The following RBFOX1 variants were observed in gnomAD, a reference collection of about 807,000 sequenced individuals.
RBFOX1 encodes the protein RNA binding fox-1 homolog 1.
A neutral mutation model predicts 57.7 loss-of-function variants in RBFOX1; 8 were observed. The ratio of observed to expected loss-of-function variants is 0.14; its 90% CI spans 0.08 to 0.25. The LOEUF is 0.25. Among genes scored for constraint, RBFOX1 ranks in the 10% least tolerant of loss-of-function variants. RBFOX1 has a pLI of 1.00. For missense variants in RBFOX1, 611 were observed against 548.5 expected, an observed-to-expected ratio of 1.11 and a Z score of -1.14; for synonymous variants, 326 against 222.4, an observed-to-expected ratio of 1.47 and a Z score of -4.15.
intron 4 of RBFOX1, among the ~76,000 whole-genome samples, chr16:7,158,416 A>G (rs1172458956): frequency 1.3e-5 from 2 of 152,198 alleles, no homozygotes; most frequent in Non-Finnish European, 2.9e-5. Flanking sequence ...GTAGAAAGAT[A>G]TACTGGTCTT....
At position 7,622,677 on chromosome 16, in the gene RBFOX1, G is replaced by T. The variant is rs539116821; in HGVS notation, c.677-7926G>T. 2.0e-5 allele frequency among the ~76,000 whole-genome samples: 3 copies of T among 152,146 alleles called. No individual in the cohort carries two copies. In the South Asian group the frequency reaches 6.2e-4, roughly 32 times the overall value. Reference sequence around the variant, plus strand: ...CTTATGAAAATAAATTGGAGTGAGGGATTATTTACACTATAGACAGATGCG... The same window carrying T: ...CTTATGAAAATAAATTGGAGTGAGGTATTATTTACACTATAGACAGATGCG... On this transcript the variant is annotated intron_variant, in intron 10 of 15. Transcript: ENST00000550418.
intron 3 of RBFOX1, among the ~76,000 whole-genome samples, chr16:5,712,969 G>C (rs1271165478): frequency 3.9e-5 from 3 of 77,196 alleles, no homozygotes; most frequent in Non-Finnish European, 1.1e-4. Flanking sequence ...GGTCTCTGAG[G>C]ACATCCTTGT....
At chr16:7,282,384 C>T (rs1464476452) in intron 4 of RBFOX1, among the ~76,000 whole-genome samples, 1 of 152,148 alleles carries the variant, frequency 6.6e-6, no homozygotes, top group African/African-American at 2.4e-5. Context: ...AACAGAAACT[C>T]ACCCTGTATG....
intron 3 of RBFOX1, among the ~76,000 whole-genome samples, chr16:6,657,432 A>G (rs551028018): frequency 6.6e-6 from 1 of 152,130 alleles, no homozygotes; most frequent in Non-Finnish European, 1.5e-5. Context: ...TCACCCCAGC[A>G]GAACAGCTCC....
At chr16:5,963,509 A>T (rs751752775) in intron 4 of RBFOX1, among the ~76,000 whole-genome samples, 1 of 152,254 alleles carries the variant, frequency 6.6e-6, no homozygotes, top group Non-Finnish European at 1.5e-5. Flanking sequence ...TTCAAATTAT[A>T]TTACAAAGTT....
intron 3 of RBFOX1, among the ~76,000 whole-genome samples, chr16:6,721,210 A>G (rs1020851600): frequency 2.0e-5 from 3 of 152,214 alleles, no homozygotes; most frequent in Non-Finnish European, 4.4e-5. Context: ...TGGAAGGCCA[A>G]GGCAGGTGGA....
intron 3 of RBFOX1, among the ~76,000 whole-genome samples, chr16:5,833,712 G>A (rs1193938934): frequency 6.6e-6 from 1 of 151,996 alleles, no homozygotes; most frequent in Non-Finnish European, 1.5e-5. Context: ...GTCTCATGTT[G>A]GCACATCTCT....
At chr16:7,679,081 C>T (rs2074101671) in intron 14 of RBFOX1, among the ~76,000 whole-genome samples, 1 of 152,092 alleles carries the variant, frequency 6.6e-6, no homozygotes, top group Admixed American at 6.6e-5. Flanking sequence ...TGGTATTATT[C>T]ATTGAAGTAA....
At chr16:6,642,998 A>T (rs569966543) in intron 2 of RBFOX1, among the ~76,000 whole-genome samples, 3 of 152,202 alleles carry the variant, frequency 2.0e-5, no homozygotes, top group Non-Finnish European at 4.4e-5. Context: ...CTTCATATTT[A>T]GGTTGAAACC....
At chr16:6,094,972 A>T (rs527399366) in intron 1 of RBFOX1, among the ~76,000 whole-genome samples, 1 of 152,312 alleles carries the variant, frequency 6.6e-6, no homozygotes, top group African/African-American at 2.4e-5. Flanking sequence ...AGGCAGGAGA[A>T]TCGCTGGAAC....
intron 4 of RBFOX1, among the ~76,000 whole-genome samples, chr16:7,273,324 C>A (rs9930798): frequency 6.7e-6 from 1 of 150,132 alleles, no homozygotes. Context: ...AAACAGCACT[C>A]TCTGCTGTGT....
At position 6,019,508 on chromosome 16, in the gene RBFOX1, G is replaced by T; in HGVS notation, c.-611G>T. ...CCGCCCCAGCCCCCCAGCAGCACCC[G>T]CGGTGGGGCGGGGGCGCTCTGCCAG... On this transcript the variant is annotated 5_prime_UTR_variant, in exon 1 of 16. Coordinates refer to ENST00000550418, the MANE Select transcript of RBFOX1 (RefSeq NM_018723.4). The surrounding 1 kb of genome is among the most constrained non-coding windows in gnomAD (Gnocchi z 4.2). 9.7e-7 allele frequency: 1 copy of T among 1,034,670 alleles called. No individual in the cohort carries two copies. The highest frequency in any genetic ancestry group is 4.6e-5 in the South Asian group (1 of 21,858). 64.1% of individuals were successfully genotyped at this position (1,034,670 alleles called of 1,614,324 possible). A position where few individuals can be genotyped will look rare whatever the true frequency, so the allele number is the denominator to read the frequency against.
chr16:7,107,117 T>A (rs111615080), intron 4 of RBFOX1, among the ~76,000 whole-genome samples: 3,002 of 152,240 alleles, frequency 0.02, 44 homozygotes, highest in Non-Finnish European at 0.03. Flanking sequence ...GAGGACCAAC[T>A]ATGCAAAGAG....
At chr16:6,785,852 C>A in intron 3 of RBFOX1, among the ~76,000 whole-genome samples, 1 of 139,412 alleles carries the variant, frequency 7.2e-6, no homozygotes. Flanking sequence ...GACTCAAAGT[C>A]CATTAGACTC....
At chr16:5,400,692 C>T (rs1309907795) in intron 1 of RBFOX1, among the ~76,000 whole-genome samples, 1 of 151,686 alleles carries the variant, frequency 6.6e-6, no homozygotes, top group African/African-American at 2.4e-5. Flanking sequence ...ACAAATAATG[C>T]TGTGTAAACT....
chr16:6,042,558 T>C (rs551694608), intron 1 of RBFOX1, among the ~76,000 whole-genome samples: 2 of 152,224 alleles, frequency 1.3e-5, no homozygotes, highest in Admixed American at 6.5e-5. Context: ...TTTTTGGGAA[T>C]AGGAGGTAGA....
chr16:5,874,472 C>T (rs1222522732), intron 4 of RBFOX1, among the ~76,000 whole-genome samples: 1 of 151,990 alleles, frequency 6.6e-6, no homozygotes, highest in Non-Finnish European at 1.5e-5. Flanking sequence ...CACCAGAGAG[C>T]TATGGTACTG....
chr16:6,140,649 C>G (rs1433068336), intron 1 of RBFOX1, among the ~76,000 whole-genome samples: 1 of 152,178 alleles, frequency 6.6e-6, no homozygotes, highest in Middle Eastern at 3.2e-3. Context: ...CCAACTCCTT[C>G]CCTCCTGTCT....
chr16:6,762,469 A>G (rs1286459853), intron 3 of RBFOX1, among the ~76,000 whole-genome samples: 2 of 152,186 alleles, frequency 1.3e-5, no homozygotes, highest in Non-Finnish European at 2.9e-5. Context: ...GAACAAAAGA[A>G]AAGGTGTGAA....
Sources: allele counts gnomAD v4.1 joint callset (sites outside exome capture counted in the v4.1 genomes callset), GRCh38; gene constraint gnomAD v4.1.1; non-coding constraint Gnocchi (gnomAD v3.1); transcripts MANE v1.5; gene names NCBI Gene and HGNC (gene_info 2026-07-23, HGNC 2026-07-21).